Variants in TRAPPC9 observed in about 807,000 individuals in gnomAD.
The protein encoded by TRAPPC9 is trafficking protein particle complex subunit 9, also known as IKK2 binding protein.
A neutral mutation model predicts 124.0 loss-of-function variants in TRAPPC9; 83 were observed. The ratio of observed to expected loss-of-function variants is 0.67; its 90% CI spans 0.56 to 0.80. The LOEUF (loss-of-function observed/expected upper bound fraction) is 0.80. Among genes scored for constraint, TRAPPC9 ranks in the 30% least tolerant of loss-of-function variants. The pLI is 0.00. For synonymous variants in TRAPPC9, 638 were observed against 617.5 expected (o/e 1.03, Z -0.49); for missense variants, 1,302 against 1,508.3 (o/e 0.86, Z 2.27).
chr8:140,051,381 G>A (rs776676721), intron 17 of TRAPPC9, among the ~76,000 whole-genome samples: 4 of 152,178 alleles, frequency 2.6e-5, no homozygotes, highest in African/African-American at 9.7e-5. Flanking sequence ...TCACATGGGT[G>A]TATCTGAACC....
intron 21 of TRAPPC9, among the ~76,000 whole-genome samples, chr8:139,799,416 C>T (rs1377803671): frequency 1.3e-5 from 2 of 152,210 alleles, no homozygotes; most frequent in Non-Finnish European, 2.9e-5. Context: ...ACTGACCACA[C>T]TGCTTCTTGT....
intron 19 of TRAPPC9, among the ~76,000 whole-genome samples, chr8:139,919,454 T>C (rs1035110668): frequency 1.3e-5 from 2 of 152,112 alleles, no homozygotes; most frequent in African/African-American, 4.8e-5. Flanking sequence ...TAAACAAAAA[T>C]CACTGAGCCG....
intron 19 of TRAPPC9, among the ~76,000 whole-genome samples, chr8:139,974,843 C>T (rs866031007): frequency 2.0e-5 from 3 of 152,232 alleles, no homozygotes; most frequent in South Asian, 2.1e-4. Context: ...CCACTCCGCC[C>T]GGCAGCCTCC....
intron 16 of TRAPPC9, among the ~76,000 whole-genome samples, chr8:140,237,232 C>T (rs1315660982): frequency 6.6e-6 from 1 of 151,028 alleles, no homozygotes; most frequent in Non-Finnish European, 1.5e-5. Context: ...GATCATCAGA[C>T]AAAGAACATC....
At chr8:139,935,144 G>A (rs1034066122) in intron 19 of TRAPPC9, among the ~76,000 whole-genome samples, 22 of 152,188 alleles carry the variant, frequency 1.4e-4, no homozygotes, top group African/African-American at 5.3e-4. Flanking sequence ...GAGAGAAGGT[G>A]CATGGTGAAT....
chr8:139,982,328 G>A (rs545297804), intron 19 of TRAPPC9, among the ~76,000 whole-genome samples: 1 of 152,272 alleles, frequency 6.6e-6, no homozygotes, highest in South Asian at 2.1e-4. Context: ...GGTGGCTGGT[G>A]CTCAGCAGCC....
intron 16 of TRAPPC9, among the ~76,000 whole-genome samples, chr8:140,226,939 C>T (rs1055933395): frequency 6.6e-6 from 1 of 152,038 alleles, no homozygotes; most frequent in African/African-American, 2.4e-5. Flanking sequence ...ACCCCCAAAA[C>T]CTGTCATCTT....
At chr8:139,950,043 A>G (rs1834536746) in intron 19 of TRAPPC9, among the ~76,000 whole-genome samples, 1 of 152,246 alleles carries the variant, frequency 6.6e-6, no homozygotes, top group African/African-American at 2.4e-5. Context: ...ACAAAGGTCT[A>G]TAAAATCATT....
intron 19 of TRAPPC9, among the ~76,000 whole-genome samples, chr8:139,940,597 G>A (rs1409729189): frequency 2.0e-5 from 3 of 152,246 alleles, no homozygotes; most frequent in Admixed American, 1.3e-4. Flanking sequence ...GGGCTCAAAG[G>A]TGCAGAGGGG....
intron 15 of TRAPPC9, among the ~76,000 whole-genome samples, chr8:140,269,345 T>A (rs1588053796): frequency 6.6e-6 from 1 of 151,710 alleles, no homozygotes; most frequent in South Asian, 2.1e-4. Context: ...ATCAAGACCA[T>A]CCTGGCTAAC....
At chr8:140,000,519 C>G (rs1049649011) in intron 18 of TRAPPC9, among the ~76,000 whole-genome samples, 1 of 152,180 alleles carries the variant, frequency 6.6e-6, no homozygotes, top group African/African-American at 2.4e-5. Flanking sequence ...CTACAAAGAA[C>G]TTAAACAAAT....
At chr8:139,897,890 T>C (rs1411752823) in intron 20 of TRAPPC9, among the ~76,000 whole-genome samples, 6 of 152,248 alleles carry the variant, frequency 3.9e-5, no homozygotes, top group Non-Finnish European at 7.3e-5. Flanking sequence ...TTTTGGGTGC[T>C]GTGGAACGTT....
chr8:140,304,232 C>T (rs2066060160), intron 10 of TRAPPC9, among the ~76,000 whole-genome samples: 1 of 151,962 alleles, frequency 6.6e-6, no homozygotes, highest in Non-Finnish European at 1.5e-5. Flanking sequence ...GTAGCTGGGA[C>T]TACAAGCACC....
At chr8:139,926,616 A>AT (rs995194257) in intron 19 of TRAPPC9, among the ~76,000 whole-genome samples, 1 of 151,526 alleles carries the variant, frequency 6.6e-6, no homozygotes, top group Non-Finnish European at 1.5e-5. Flanking sequence ...ATAAAAAAAA[A>AT]AAAAAAACTC....
intron 19 of TRAPPC9, among the ~76,000 whole-genome samples, chr8:139,934,701 T>G (rs904538487): frequency 9.2e-5 from 14 of 152,258 alleles, no homozygotes; most frequent in African/African-American, 3.1e-4. Flanking sequence ...CCCTGCAGAC[T>G]GGGGAAGGCG....
intron 21 of TRAPPC9, among the ~76,000 whole-genome samples, chr8:139,810,180 T>G (rs1013245057): frequency 1.3e-5 from 2 of 151,998 alleles, no homozygotes; most frequent in African/African-American, 4.8e-5. Context: ...GGGCAACAAA[T>G]TTTTGGAAGA....
At chr8:140,089,099 T>C (rs546604423) in intron 17 of TRAPPC9, among the ~76,000 whole-genome samples, 10 of 152,118 alleles carry the variant, frequency 6.6e-5, no homozygotes, top group African/African-American at 9.7e-5. Flanking sequence ...ATAAAAACAA[T>C]AGCTCCACCT....
intron 17 of TRAPPC9, among the ~76,000 whole-genome samples, chr8:140,038,758 A>G (rs1587561112): frequency 6.6e-6 from 1 of 152,318 alleles, no homozygotes; most frequent in South Asian, 2.1e-4. Flanking sequence ...AGGAAACCAG[A>G]TGTGCCAATA....
chr8:140,354,743 C>CA (rs2067687325), intron 9 of TRAPPC9, among the ~76,000 whole-genome samples: 1 of 151,984 alleles, frequency 6.6e-6, no homozygotes, highest in South Asian at 2.1e-4. Context: ...AGCTCTTCAG[C>CA]AAAAAAGACC....
Sources: allele counts gnomAD v4.1 joint callset (sites outside exome capture counted in the v4.1 genomes callset), GRCh38; gene constraint gnomAD v4.1.1; transcripts MANE v1.5; gene names NCBI Gene and HGNC (gene_info 2026-07-23, HGNC 2026-07-21).